The following NFYB variants were observed in gnomAD, a reference collection of about 807,000 sequenced individuals.
The protein encoded by NFYB is nuclear transcription factor Y subunit beta.
In NFYB, 13 loss-of-function variants were observed where a neutral mutation model predicts 28.0. The observed-to-expected ratio is 0.46, with a 90% CI of 0.30 to 0.74. The LOEUF (loss-of-function observed/expected upper bound fraction) is 0.74, where lower values mean the gene tolerates loss of function less well. Ranked by LOEUF, NFYB falls within the 30% of genes least tolerant of loss-of-function variation. NFYB has a pLI of 0.07. For missense variants in NFYB, 142 were observed against 247.6 expected, an observed-to-expected ratio of 0.57 and a Z score of 2.86; for synonymous variants, 74 against 75.0, an observed-to-expected ratio of 0.99 and a Z score of 0.07.
At chr12:104,131,742 C>T (rs2030932237) in intron 2 of NFYB, 1 of 455,922 alleles carries the variant, frequency 2.2e-6, no homozygotes, top group Non-Finnish European at 4.4e-6. Context: ...TGAGTGAGCG[C>T]TTAGTATTTA....
At chr12:104,121,839 A>G (rs1335203660) in intron 5 of NFYB, among the ~76,000 whole-genome samples, 1 of 152,204 alleles carries the variant, frequency 6.6e-6, no homozygotes, top group Non-Finnish European at 1.5e-5. Context: ...TCCTACTTCA[A>G]TTATTCCATG....
rs1433013754 is a variant in NFYB at position 104,117,086 on chromosome 12, T to C, written c.*2651A>G. ...ACTCAAGAAAGCAATGTTTACAAAA[T>C]TATAAAAAACATTTTTATGATAGGT... On this transcript the variant is annotated 3_prime_UTR_variant, in exon 8 of 8. Transcript: ENST00000240055. 6.6e-6 allele frequency: 1 copy of C among 152,132 alleles called. No individual in the cohort carries two copies. The highest frequency in any genetic ancestry group is 1.5e-5 in the Non-Finnish European group (1 of 68,022). 9.4% of individuals were successfully genotyped at this position (152,132 alleles called of 1,614,324 possible). A position where few individuals can be genotyped will look rare whatever the true frequency, so the allele number is the denominator to read the frequency against.
At position 104,135,471 on chromosome 12, in the gene NFYB, G is replaced by A. The variant is rs377352087; in HGVS notation, c.-18C>T. On this transcript the variant is annotated 5_prime_UTR_variant, in exon 2 of 8. The change creates a new upstream start codon in the 5' untranslated region. Transcript: ENST00000240055. ...ACTGTCATGAAATACTGTCAGAACC[G>A]TGTTGTCAGTGGTGCTGAAGAACAC... The A allele has an allele frequency of 2.5e-6, 4 of 1,582,958 alleles. No individual in the cohort carries two copies. Among genetic ancestry groups the A allele is most frequent in the Non-Finnish European group, 3.4e-6 (4 of 1,167,426 alleles).
rs1439046080 is a variant in NFYB, at chr12:104,119,557, T to C, written c.*180A>G. On this transcript the variant is annotated 3_prime_UTR_variant, in exon 8 of 8. Transcript: ENST00000240055. ...AATCCAAATTTTTCTTTAAAATCAT[T>C]CATGAAAAAGATTCTCAAGTCAGAA... 2.0e-6 allele frequency: 1 copy of C among 489,856 alleles called. No homozygotes were observed. The highest frequency in any genetic ancestry group is 3.6e-6 in the Non-Finnish European group (1 of 276,378). 30.3% of individuals were successfully genotyped at this position (489,856 alleles called of 1,614,324 possible).
Position 104,128,698 on chromosome 12 carries a change from A to C in NFYB, c.7-181T>G. The C allele has an allele frequency of 6.3e-6, 2 of 316,996 alleles. 1 individual carries two copies. Among genetic ancestry groups the C allele is most frequent in the South Asian group, 7.7e-5 (2 of 25,962 alleles). 19.6% of individuals were successfully genotyped at this position (316,996 alleles called of 1,614,324 possible). ...AATTATTTTTTTGAGACAGGGTCTT[A>C]CTCTGTGGCCCAGGCTGGAGTGCAG... is the stretch of plus-strand genomic sequence containing the variant. On this transcript the variant is annotated intron_variant, in intron 2 of 7. Coordinates refer to ENST00000240055, the MANE Select transcript of NFYB (RefSeq NM_006166.4).
rs1318661955 is a variant in NFYB at position 104,128,311 on chromosome 12, G to A, written c.100+113C>T. ...ACTTTCTCATTGAACCGTAACACAA[G>A]ATTGTAAATTTTCCTATAAAGACAC... On this transcript the variant is annotated intron_variant, in intron 3 of 7. Transcript: ENST00000240055. 8.0e-6 allele frequency: 5 copies of A among 622,578 alleles called. No homozygotes were observed. The East Asian group carries it at 8.6e-5, about 11-fold the overall frequency. The allele number at this position is 622,578 out of a possible 1,614,324, so 38.6% of individuals were successfully genotyped here.
In NFYB at chr12:104,119,659, C is replaced by A. The variant is rs760245268; in HGVS notation, c.*78G>T. 4 of 1,058,398 alleles carry A rather than the reference C, an allele frequency of 3.8e-6. No individual in the cohort carries two copies. The highest frequency in any genetic ancestry group is 5.7e-6 in the Non-Finnish European group (4 of 704,236). The allele number at this position is 1,058,398 out of a possible 1,614,324, so 65.6% of individuals were successfully genotyped here. The stretch of plus-strand genomic sequence containing the variant: ...TACAAAGATACATCTTTTCACCAGT[C>A]TTTCCTTCTGATGTCTCTGTTCCAG... On this transcript the variant is annotated 3_prime_UTR_variant, in exon 8 of 8. Transcript: ENST00000240055.
In NFYB at chr12:104,122,727, C is replaced by T. The variant is rs1222210949; in HGVS notation, c.429+499G>A. ...CAGAGCGTGGAAAAATTGCTTTCCA[C>T]AAAACAGGTCCCTGGTGCCAAAAAT... On this transcript the variant is annotated intron_variant, in intron 5 of 7. Coordinates refer to ENST00000240055, the MANE Select transcript of NFYB (RefSeq NM_006166.4). Among the ~76,000 whole-genome samples the T allele has an allele frequency of 2.6e-5, 4 of 152,230 alleles. No homozygotes were observed. In the East Asian group the frequency reaches 7.7e-4, roughly 29 times the overall value.
At chr12:104,132,759 G>A (rs1180115302) in intron 2 of NFYB, among the ~76,000 whole-genome samples, 1 of 152,168 alleles carries the variant, frequency 6.6e-6, no homozygotes, top group African/African-American at 2.4e-5. Context: ...GCTAATGACC[G>A]TGAGTTTACA....
intron 4 of NFYB, 52 bp downstream of exon 4, chr12:104,126,062 T>C: frequency 6.6e-7 from 1 of 1,508,706 alleles, no homozygotes; most frequent in Non-Finnish European, 8.8e-7. Context: ...TGAATTCATG[T>C]AGTTTCGTGT....
chr12:104,122,868 C>T (rs1307580103), intron 5 of NFYB, among the ~76,000 whole-genome samples: 1 of 152,096 alleles, frequency 6.6e-6, no homozygotes, highest in African/African-American at 2.4e-5. Context: ...AATAATGTCT[C>T]TTATTTTCTT....
chr12:104,134,915 A>G (rs2031049404), intron 2 of NFYB, among the ~76,000 whole-genome samples: 1 of 152,028 alleles, frequency 6.6e-6, no homozygotes, highest in Non-Finnish European at 1.5e-5. Flanking sequence ...TCTCTTTCCT[A>G]CATTATCCTT....
chr12:104,135,265 G>C (rs1223356246), intron 2 of NFYB, among the ~76,000 whole-genome samples, 183 bp downstream of exon 2: 2 of 152,186 alleles, frequency 1.3e-5, no homozygotes, highest in African/African-American at 4.8e-5. Context: ...GGGACCCATG[G>C]GAAATAATAT....
intron 2 of NFYB, chr12:104,131,418 T>C (rs1335881717): frequency 2.0e-5 from 4 of 201,740 alleles, no homozygotes; most frequent in African/African-American, 7.1e-5. Flanking sequence ...CCTCTGTCTT[T>C]CTACCATTAA....
chr12:104,131,640 C>A, intron 2 of NFYB: 1 of 409,928 alleles, frequency 2.4e-6, no homozygotes. Context: ...TTGCTAGATG[C>A]ATCCCAAAGG....
In NFYB at chr12:104,119,110, C is replaced by A; in HGVS notation, c.*627G>T. ...ACAGTGTAAACACTGTTAATGGGCA[C>A]CAAGTTTAACAGGGCAGACAATATT... On this transcript the variant is annotated 3_prime_UTR_variant, in exon 8 of 8. Transcript: ENST00000240055. The A allele has an allele frequency of 6.6e-6, 1 of 152,442 alleles. No homozygotes were observed. Among genetic ancestry groups the A allele is most frequent in the East Asian group, 1.9e-4 (1 of 5,202 alleles). 9.4% of individuals were successfully genotyped at this position (152,442 alleles called of 1,614,324 possible).
At chr12:104,127,229 T>G (rs2030748090) in intron 3 of NFYB, among the ~76,000 whole-genome samples, 1 of 152,194 alleles carries the variant, frequency 6.6e-6, no homozygotes, top group Non-Finnish European at 1.5e-5. Context: ...AGGATGAAAT[T>G]AATCCCTCTG....
intron 3 of NFYB, 149 bp downstream of exon 3, chr12:104,128,275 C>T (rs748651552): frequency 6.6e-5 from 30 of 454,032 alleles, no homozygotes; most frequent in East Asian, 4.3e-4. Context: ...TAGCATGGTA[C>T]GCCTTTTTAG....
intron 2 of NFYB, among the ~76,000 whole-genome samples, chr12:104,130,426 T>C (rs1056615970): frequency 2.0e-5 from 3 of 152,214 alleles, no homozygotes; most frequent in Non-Finnish European, 2.9e-5. Flanking sequence ...TAACTGTAGA[T>C]AGAGACACAT....
Sources: gnomAD v4.1 joint callset for allele counts (sites outside exome capture counted in the v4.1 genomes callset) on GRCh38, gnomAD v4.1.1 for gene constraint, MANE v1.5 for transcripts, NCBI Gene and HGNC (gene_info 2026-07-23, HGNC 2026-07-21) for gene names.